Variants in AVEN observed in about 807,000 individuals in gnomAD.
AVEN encodes cell death regulator Aven.
AVEN carries 41 observed loss-of-function variants against 38.1 expected under a neutral mutation model. The observed-to-expected ratio is 1.08, with a 90% CI of 0.84 to 1.40. AVEN has a LOEUF of 1.40. Ranked by LOEUF, AVEN falls within the 40% of genes most tolerant of loss-of-function variation. AVEN has a pLI of 0.00. For missense variants in AVEN, 605 were observed against 438.8 expected (o/e 1.38, Z -3.38); for synonymous variants, 206 against 171.8 (o/e 1.20, Z -1.56).
intron 5 of AVEN, among the ~76,000 whole-genome samples, chr15:34,051,652 G>A (rs1336815473): frequency 2.0e-5 from 3 of 152,042 alleles, no homozygotes; most frequent in South Asian, 2.1e-4. Flanking sequence ...AAATGATAAG[G>A]GAGAAATCAC....
downstream of AVEN, among the ~76,000 whole-genome samples, chr15:33,853,921 C>T (rs2079368247): frequency 6.6e-6 from 1 of 152,090 alleles, no homozygotes; most frequent in South Asian, 2.1e-4. Flanking sequence ...GGGCTGGGCG[C>T]AGTGGCTCAT....
At position 33,901,363 on chromosome 15, in the gene AVEN, T is replaced by C. The variant is rs575233014; in HGVS notation, c.446-25368A>G. Reference sequence around the variant, plus strand: ...CACTAGAAGTCCACATACAATGAAATACCGACACGTGCATACACACGCACA... The same window carrying C: ...CACTAGAAGTCCACATACAATGAAACACCGACACGTGCATACACACGCACA... On this transcript the variant is annotated intron_variant, in intron 2 of 5. Coordinates refer to ENST00000306730, the MANE Select transcript of AVEN (RefSeq NM_020371.3). 3.9e-5 allele frequency among the ~76,000 whole-genome samples: 6 copies of C among 152,246 alleles called. No individual in the cohort carries two copies. In the East Asian group the frequency reaches 9.7e-4, roughly 25 times the overall value.
At chr15:33,894,197 A>C (rs1221367723) in intron 2 of AVEN, among the ~76,000 whole-genome samples, 1 of 151,932 alleles carries the variant, frequency 6.6e-6, no homozygotes, top group Non-Finnish European at 1.5e-5. Context: ...TGATCTGCCC[A>C]CTTCGGACTC....
At chr15:33,853,762 C>A in the AVEN span, 2 of 1,527,854 alleles carry the variant, frequency 1.3e-6, no homozygotes, top group Non-Finnish European at 8.8e-7. Flanking sequence ...AAATCACAAC[C>A]GTGTCTTTGT....
At chr15:33,904,808 TA>T (rs1892634483) in intron 2 of AVEN, among the ~76,000 whole-genome samples, 1 of 152,050 alleles carries the variant, frequency 6.6e-6, no homozygotes, top group Non-Finnish European at 1.5e-5. Flanking sequence ...TGGTTATATT[TA>T]ATTATATTTT....
chr15:34,039,932 A>T (rs551289696), upstream of AVEN, among the ~76,000 whole-genome samples: 1 of 152,314 alleles, frequency 6.6e-6, no homozygotes, highest in Admixed American at 6.5e-5. Flanking sequence ...AGGAGAAAAC[A>T]GGAAGGGGAA....
At chr15:33,961,693 G>A (rs1230416748) in intron 2 of AVEN, among the ~76,000 whole-genome samples, 5 of 150,974 alleles carry the variant, frequency 3.3e-5, no homozygotes, top group Non-Finnish European at 7.4e-5. Flanking sequence ...GGCACCTGTA[G>A]TCCCAGCTAC....
intron 2 of AVEN, among the ~76,000 whole-genome samples, chr15:33,916,812 T>C (rs945264083): frequency 1.3e-5 from 2 of 151,616 alleles, no homozygotes; most frequent in African/African-American, 2.4e-5. Flanking sequence ...GACTGGGTAA[T>C]TTAGAAAAAA....
intron 3 of AVEN, among the ~76,000 whole-genome samples, chr15:33,873,851 G>T (rs1457201476): frequency 6.6e-6 from 1 of 152,056 alleles, no homozygotes; most frequent in Non-Finnish European, 1.5e-5. Flanking sequence ...AATCTTTCTT[G>T]TCCTTGTGTC....
At chr15:33,979,252 T>C (rs1199173090) in intron 2 of AVEN, among the ~76,000 whole-genome samples, 1 of 152,196 alleles carries the variant, frequency 6.6e-6, no homozygotes, top group Non-Finnish European at 1.5e-5. Flanking sequence ...CCAGGCACGG[T>C]GTCCCATGCC....
chr15:33,978,969 TA>T (rs563614866), intron 2 of AVEN, among the ~76,000 whole-genome samples: 1 of 151,858 alleles, frequency 6.6e-6, no homozygotes, highest in Admixed American at 6.6e-5. Context: ...ACAAGATAAA[TA>T]AAAAAACAGA....
chr15:33,937,146 AAAAG>A, intron 2 of AVEN, among the ~76,000 whole-genome samples: 3 of 150,572 alleles, frequency 2.0e-5, no homozygotes, highest in Admixed American at 6.6e-5. Context: ...AAAAAAAAAA[AAAAG>A]ACCAAAAACA....
chr15:34,028,784 G>C (rs1898619801), intron 1 of AVEN, among the ~76,000 whole-genome samples: 1 of 151,930 alleles, frequency 6.6e-6, no homozygotes, highest in Admixed American at 6.6e-5. Flanking sequence ...CTAGCACATG[G>C]GGGGTGAGAA....
chr15:33,859,994 C>G (rs1471113862), intron 11 of AVEN, among the ~76,000 whole-genome samples: 1 of 152,172 alleles, frequency 6.6e-6, no homozygotes. Context: ...ATTTACTCCT[C>G]ACTTCTGCTT....
At chr15:33,998,415 G>C (rs1414173658) in intron 2 of AVEN, among the ~76,000 whole-genome samples, 1 of 151,998 alleles carries the variant, frequency 6.6e-6, no homozygotes, top group Non-Finnish European at 1.5e-5. Flanking sequence ...TTGAGCCCAG[G>C]AATTCGAGAC....
downstream of AVEN, among the ~76,000 whole-genome samples, chr15:33,863,533 G>A (rs1889289049): frequency 3.3e-5 from 5 of 152,138 alleles, no homozygotes; most frequent in South Asian, 1.0e-3. Flanking sequence ...ATCATATAAT[G>A]TGAGCTGAGA....
At chr15:33,993,830 A>T (rs552846304) in intron 2 of AVEN, among the ~76,000 whole-genome samples, 4 of 11,926 alleles carry the variant, frequency 3.4e-4, no homozygotes, top group South Asian at 9.5e-3. Flanking sequence ...ATACATCCTT[A>T]AAAAATAGGG....
intron 2 of AVEN, among the ~76,000 whole-genome samples, chr15:33,961,608 T>C (rs1456210966): frequency 2.0e-5 from 3 of 151,446 alleles, no homozygotes; most frequent in Non-Finnish European, 4.4e-5. Context: ...GGTCAGGAGA[T>C]CGAGACCATT....
At chr15:33,950,499 G>A (rs1276098914) in intron 2 of AVEN, among the ~76,000 whole-genome samples, 1 of 152,004 alleles carries the variant, frequency 6.6e-6, no homozygotes, top group Non-Finnish European at 1.5e-5. Flanking sequence ...TAAGCTGAGA[G>A]GAAAAAAAGA....
Sources: gnomAD v4.1 joint callset for allele counts (sites outside exome capture counted in the v4.1 genomes callset) on GRCh38, gnomAD v4.1.1 for gene constraint, MANE v1.5 for transcripts, NCBI Gene and HGNC (gene_info 2026-07-23, HGNC 2026-07-21) for gene names.